SHANK1: variants seen among roughly 807,000 people sequenced by gnomAD.
SHANK1 encodes the protein SH3 and multiple ankyrin repeat domains protein 1.
A neutral mutation model predicts 165.6 loss-of-function variants in SHANK1; 35 were observed. The ratio of observed to expected loss-of-function variants is 0.21; its 90% CI spans 0.16 to 0.28. The LOEUF is 0.28. Among genes scored for constraint, SHANK1 ranks in the 10% least tolerant of loss-of-function variants. The pLI, the probability that SHANK1 is intolerant of heterozygous loss-of-function variation, is 1.00. For missense variants in SHANK1, 2,681 were observed against 3,036.4 expected, an observed-to-expected ratio of 0.88 and a Z score of 2.75; for synonymous variants, 1,428 against 1,384.8, an observed-to-expected ratio of 1.03 and a Z score of -0.69.
rs2123074768 is a variant in SHANK1 at position 50,667,004 on chromosome 19, G to A, written c.4956C>T (p.Ala1652=). ...PGDPHPPGPP[A]PAAPAPAAPQ... ...GGGCAGCGGGAGCCGGTGCTGCTGG[G>A]GCAGGCGGGCCTGGTGGATGGGGGT... Residue 1652 remains alanine (A), a synonymous_variant, in exon 23 of 24, where the codon GCC becomes GCT. Coordinates refer to ENST00000293441, the MANE Select transcript of SHANK1 (RefSeq NM_016148.5). The surrounding 1 kb of genome is among the most constrained non-coding windows in gnomAD (Gnocchi z 5.7). The A allele has an allele frequency of 2.6e-6, 4 of 1,562,640 alleles. No individual in the cohort carries two copies. The highest frequency in any genetic ancestry group is 1.3e-5 in the African/African-American group (1 of 74,482).
At chr19:50,714,378 T>C in intron 4 of SHANK1, 88 bp from the exon 5 acceptor site, 2 of 1,091,534 alleles carry the variant, frequency 1.8e-6, no homozygotes, top group Non-Finnish European at 2.7e-6. Flanking sequence ...CCAGTGAAAA[T>C]ATACGTGGAG....
In SHANK1 at chr19:50,660,080, G is replaced by T. The variant is rs1187990220; in HGVS notation, c.*1885C>A. Among the ~76,000 whole-genome samples, 1 of 150,184 alleles carries T rather than the reference G, an allele frequency of 6.7e-6. No homozygotes were observed. The stretch of plus-strand genomic sequence containing the variant: ...GGGCAGCAGAGGGGGAATGGGCTTG[G>T]GGAAGGAGGGGGAGCTCCCTTCTTT... On this transcript the variant is annotated 3_prime_UTR_variant, in exon 24 of 24. Coordinates refer to ENST00000293441, the MANE Select transcript of SHANK1 (RefSeq NM_016148.5).
rs1985627762 is a variant in SHANK1 at position 50,668,159 on chromosome 19, G to A, written c.3801C>T (p.Gly1267=). ...CCCCTGTGCCCAGCCCGCCGTCCCCGCCGTCCTCGTCCCCCGCGTCGGTGG... is the reference window on the plus strand; with the variant it reads ...CCCCTGTGCCCAGCCCGCCGTCCCCACCGTCCTCGTCCCCCGCGTCGGTGG... ...FLSTDAGDED[G]GDGGLGTGAA... Residue 1267 remains glycine, a synonymous_variant, in exon 23 of 24, where the codon GGC becomes GGT. Transcript: ENST00000293441. 1 of 1,461,902 alleles carries A rather than the reference G, an allele frequency of 6.8e-7. No individual in the cohort carries two copies. Among genetic ancestry groups the A allele is most frequent in the South Asian group, 1.3e-5 (1 of 74,736 alleles). 90.6% of individuals were successfully genotyped at this position (1,461,902 alleles called of 1,614,324 possible).
chr19:50,688,786 T>C lies in SHANK1; in HGVS notation c.2172+58A>G. On this transcript the variant is annotated intron_variant, in intron 17 of 23. Transcript: ENST00000293441. The surrounding 1 kb of genome is among the most constrained non-coding windows in gnomAD (Gnocchi z 6.7). ...GGCAGCCAGATCCTGGTGTGAATCA[T>C]GAGGGGGTCTGGGAACTTGTCACAG... is the stretch of plus-strand genomic sequence containing the variant. 1.3e-6 allele frequency: 2 copies of C among 1,555,978 alleles called. No homozygotes were observed. The highest frequency in any genetic ancestry group is 2.4e-5 in the South Asian group (2 of 83,962).
chr19:50,667,487 G>C lies in SHANK1; in HGVS notation c.4473C>G (p.His1491Gln). ...APEEPERLPL[H>Q]VRFLENCQPR... ...GCTGGCAGTTTTCAAGGAACCGCAC[G>C]TGCAGCGGCAGCCGCTCGGGTTCTT... Residue 1491 changes from histidine (H) to glutamine (Q), a missense_variant, in exon 23 of 24, where the codon CAC (histidine) becomes CAG (glutamine). Around this residue, in one of 10 missense-constraint regions of SHANK1, gnomAD observed 1,713 missense variants for 1,630.2 expected, o/e 1.05. Coordinates refer to ENST00000293441, the MANE Select transcript of SHANK1 (RefSeq NM_016148.5). The surrounding 1 kb of genome is among the most constrained non-coding windows in gnomAD (Gnocchi z 5.7). The C allele has an allele frequency of 1.3e-6, 2 of 1,531,508 alleles. No homozygotes were observed. The highest frequency in any genetic ancestry group is 1.7e-6 in the Non-Finnish European group (2 of 1,150,126). 94.9% of individuals were successfully genotyped at this position (1,531,508 alleles called of 1,614,324 possible).
At position 50,666,520 on chromosome 19, in the gene SHANK1, C is replaced by T. The variant is rs1476281542; in HGVS notation, c.5440G>A (p.Gly1814Ser). 1.9e-6 allele frequency: 3 copies of T among 1,585,844 alleles called. No homozygotes were observed. The highest frequency in any genetic ancestry group is 1.3e-5 in the African/African-American group (1 of 74,634). Reference sequence around the variant, plus strand: ...ACTTCTGGCTCTACAGCCACCGGACCCCCCGCCACGCCTGCCGTGGGGGGT... The same window carrying T: ...ACTTCTGGCTCTACAGCCACCGGACTCCCCGCCACGCCTGCCGTGGGGGGT... ...SGPPTAGVAG[G>S]PVAVEPEVPP... Residue 1814 changes from glycine to serine, a missense_variant, in exon 23 of 24, where the codon GGT becomes AGT. Physicochemically the swap from Gly to Ser is moderately conservative, Grantham distance 56. Transcript: ENST00000293441.
chr19:50,681,272 A>G (rs953417398), intron 21 of SHANK1, among the ~76,000 whole-genome samples: 4 of 152,084 alleles, frequency 2.6e-5, no homozygotes, highest in African/African-American at 9.7e-5. Context: ...TGAGAGGGGG[A>G]CCTGGAGAAG....
intron 8 of SHANK1, among the ~76,000 whole-genome samples, chr19:50,710,064 G>C (rs1467735225): frequency 6.6e-6 from 1 of 152,166 alleles, no homozygotes; most frequent in African/African-American, 2.4e-5. Flanking sequence ...GCCTCAAAGA[G>C]GGGGAGGGAC....
At position 50,686,296 on chromosome 19, in the gene SHANK1, C is replaced by T. The variant is rs771437817; in HGVS notation, c.2518G>A (p.Gly840Ser). 6.2e-7 allele frequency: 1 copy of T among 1,607,928 alleles called. No homozygotes were observed. The highest frequency in any genetic ancestry group is 1.1e-5 in the South Asian group (1 of 90,084). ...CCCAGGGACGCGAGGCCACCGGGAC[C>T]AGGGCTTTCGCTTGCACTGATGGTC... ...QQTISASESP[G>S]PGGLASLGKH... The change falls in exon 21 of 24, where the codon GGT (glycine) becomes AGT (serine). Residue 840 changes from glycine (G) to serine (S), a missense_variant. Around this residue, in one of 10 missense-constraint regions of SHANK1, gnomAD observed 206 missense variants for 216.0 expected, o/e 0.95. Coordinates refer to ENST00000293441, the MANE Select transcript of SHANK1 (RefSeq NM_016148.5). This position sits in a 1 kb window ranked among gnomAD's most constrained non-coding sequence, Gnocchi z 5.7.
At position 50,672,362 on chromosome 19, in the gene SHANK1, A is replaced by G. The variant is rs560279997; in HGVS notation, c.2578-248T>C. Among the ~76,000 whole-genome samples, 6 of 152,000 alleles carry G rather than the reference A, an allele frequency of 3.9e-5. No homozygotes were observed. The East Asian group carries it at 1.2e-3, about 29-fold the overall frequency. ...GGAGTTCAAGACCAGCCTGGCCAAC[A>G]TGGCAAAACCTCGTCTCTCTACTAA... On this transcript the variant is annotated intron_variant, in intron 21 of 23. Transcript: ENST00000293441.
At position 50,666,276 on chromosome 19, in the gene SHANK1, C is replaced by T. The variant is rs751275163; in HGVS notation, c.5684G>A (p.Arg1895Gln). Reference sequence around the variant, plus strand: ...GTCTCCGCCTCCCCCACTGCCTCCTCGGGCCCAGGGCAGAGCGCCGCCAGC... The same window carrying T: ...GTCTCCGCCTCCCCCACTGCCTCCTTGGGCCCAGGGCAGAGCGCCGCCAGC... ...SAAGGALPWA[R>Q]GGSGGGGDSH... is the part of the protein sequence containing the mutation. Residue 1895 changes from arginine (R) to glutamine (Q), a missense_variant, in exon 23 of 24, where the codon CGA (arginine) becomes CAA (glutamine). By Grantham distance (43) the Arg-to-Gln change is conservative (BLOSUM62 1). Around this residue, in one of 10 missense-constraint regions of SHANK1, gnomAD observed 1,713 missense variants for 1,630.2 expected, o/e 1.05. Transcript: ENST00000293441. 4 of 1,611,452 alleles carry T rather than the reference C, an allele frequency of 2.5e-6. No individual in the cohort carries two copies. In the South Asian group the frequency reaches 4.4e-5, roughly 18 times the overall value.
rs773928988 is a variant in SHANK1, at chr19:50,713,879, C to A, written c.711G>T (p.Gly237=). ...VEVIRTLCLG[G]AHIDFRARDG... ...CCCGGGCCCGGAAGTCAATGTGGGC[C>A]CCGCCCAGGCACAGGGTTCGAATCA... Residue 237 remains glycine (G), a synonymous_variant, in exon 6 of 24, where the codon GGG becomes GGT. Transcript: ENST00000293441. The surrounding 1 kb of genome is among the most constrained non-coding windows in gnomAD (Gnocchi z 6.2). 2.5e-6 allele frequency: 4 copies of A among 1,613,938 alleles called. No homozygotes were observed. The South Asian group carries it at 4.4e-5, about 18-fold the overall frequency.
At chr19:50,692,389 C>G (rs933433508) in intron 15 of SHANK1, among the ~76,000 whole-genome samples, 1 of 150,920 alleles carries the variant, frequency 6.6e-6, no homozygotes, top group Non-Finnish European at 1.5e-5. Flanking sequence ...AACCGAGGCA[C>G]AGAGAAATAA....
rs267605596 is a variant in SHANK1 at position 50,686,344 on chromosome 19, C to T, written c.2470G>A (p.Glu824Lys). Reference sequence around the variant, plus strand: ...GTCTGTTGAGCTGCGGCCAGGATTTCGTCCAGTTTGTCTAGGGGTAGATGA... The same window carrying T: ...GTCTGTTGAGCTGCGGCCAGGATTTTGTCCAGTTTGTCTAGGGGTAGATGA... ...VYQMALNKLDEILAAAQQTIS... is the reference protein window; with the variant it reads ...VYQMALNKLDKILAAAQQTIS... Residue 824 changes from glutamate to lysine, a missense_variant, in exon 21 of 24, where the codon GAA becomes AAA. Coordinates refer to ENST00000293441, the MANE Select transcript of SHANK1 (RefSeq NM_016148.5). This position sits in a 1 kb window ranked among gnomAD's most constrained non-coding sequence, Gnocchi z 5.7. 2 of 1,598,502 alleles carry T rather than the reference C, an allele frequency of 1.3e-6. No individual in the cohort carries two copies. The highest frequency in any genetic ancestry group is 1.7e-6 in the Non-Finnish European group (2 of 1,172,202).
Position 50,713,946 on chromosome 19 carries a change from G to T in SHANK1, c.644C>A (p.Thr215Asn). 1 of 1,613,754 alleles carries T rather than the reference G, an allele frequency of 6.2e-7. No individual in the cohort carries two copies. Among genetic ancestry groups the T allele is most frequent in the Non-Finnish European group, 8.5e-7 (1 of 1,179,824 alleles). ...GGTCTGGGCCGCCAGTGTCAAGGGG[G>T]TCTCTGAAGGGCGGGAAAAGCTGGT... Reference protein sequence around the residue: ...PNYHDSDSGETPLTLAAQTEG... With the variant: ...PNYHDSDSGENPLTLAAQTEG... Residue 215 changes from threonine (T) to asparagine (N), a missense_variant, in exon 6 of 24, where the codon ACC becomes AAC. Physicochemically the swap from Thr to Asn is moderately conservative, Grantham distance 65. Transcript: ENST00000293441. This position sits in a 1 kb window ranked among gnomAD's most constrained non-coding sequence, Gnocchi z 6.2.
At chr19:50,692,654 A>G (rs1317194224) in intron 15 of SHANK1, among the ~76,000 whole-genome samples, 1 of 150,920 alleles carries the variant, frequency 6.6e-6, no homozygotes, top group Non-Finnish European at 1.5e-5. Flanking sequence ...CCCTCATCCC[A>G]CCACAGTCTC....
intron 21 of SHANK1, among the ~76,000 whole-genome samples, chr19:50,675,538 T>C (rs1985947997): frequency 6.6e-6 from 1 of 152,210 alleles, no homozygotes; most frequent in Non-Finnish European, 1.5e-5. Context: ...AAATATTTAT[T>C]GAGGACTTCC....
intron 21 of SHANK1, among the ~76,000 whole-genome samples, chr19:50,676,115 T>C (rs1180451438): frequency 6.6e-6 from 1 of 150,972 alleles, no homozygotes; most frequent in African/African-American, 2.4e-5. Flanking sequence ...CTGGGCAACA[T>C]AGCAAGACCC....
rs1986948317 is a variant in SHANK1 at position 50,702,443 on chromosome 19, A to G, written c.1747+24T>C. On this transcript the variant is annotated intron_variant, in intron 12 of 23. Coordinates refer to ENST00000293441, the MANE Select transcript of SHANK1 (RefSeq NM_016148.5). This position sits in a 1 kb window ranked among gnomAD's most constrained non-coding sequence, Gnocchi z 5.3. ...TCGCCCCCACAGCCCAGCCCAGCCC[A>G]GGCCCTGCTTCCACCCTGGGTACCT... 1 of 1,595,036 alleles carries G rather than the reference A, an allele frequency of 6.3e-7. No individual in the cohort carries two copies. The highest frequency in any genetic ancestry group is 8.5e-7 in the Non-Finnish European group (1 of 1,169,940).
Sources: allele counts gnomAD v4.1 joint callset (sites outside exome capture counted in the v4.1 genomes callset), GRCh38; gene constraint gnomAD v4.1.1; regional missense constraint gnomAD v4.1.1; non-coding constraint Gnocchi (gnomAD v3.1); transcripts MANE v1.5; gene names NCBI Gene and HGNC (gene_info 2026-07-23, HGNC 2026-07-21).